Variants in PACS2 observed in about 807,000 individuals in gnomAD.
PACS2 encodes phosphofurin acidic cluster sorting protein 2, also known as PACS1-like protein.
PACS2 carries 36 observed loss-of-function variants against 113.0 expected under a neutral mutation model. That is an observed-to-expected ratio of 0.32 (90% CI 0.24 to 0.42). The LOEUF is 0.42. Ranked by LOEUF, PACS2 falls within the 10% of genes least tolerant of loss-of-function variation. PACS2 has a pLI of 1.00. For synonymous variants in PACS2, 589 were observed against 536.1 expected (o/e 1.10, Z -1.36); for missense variants, 1,015 against 1,239.5 (o/e 0.82, Z 2.72).
intron 1 of PACS2, among the ~76,000 whole-genome samples, chr14:105,342,045 C>T (rs148237184): frequency 9.1e-4 from 139 of 152,322 alleles, no homozygotes; most frequent in Admixed American, 2.8e-3. Context: ...ATGTAAGGAA[C>T]GTGAGCTTCT....
At chr14:105,311,407 C>T (rs1223109337), upstream of PACS2, among the ~76,000 whole-genome samples, 1 of 152,102 alleles carries the variant, frequency 6.6e-6, no homozygotes, top group African/African-American at 2.4e-5. Context: ...ATGCGCACCA[C>T]CATGCCCAGG....
At chr14:105,322,079 A>G (rs967765477) in intron 1 of PACS2, among the ~76,000 whole-genome samples, 1 of 151,602 alleles carries the variant, frequency 6.6e-6, no homozygotes, top group Non-Finnish European at 1.5e-5. Flanking sequence ...CTGGGACTAC[A>G]GGCGCCTGCC....
intron 8 of PACS2, 24 bp downstream of exon 8, chr14:105,369,924 C>G: frequency 6.3e-7 from 1 of 1,588,216 alleles, no homozygotes; most frequent in Non-Finnish European, 8.5e-7. Flanking sequence ...GCCTTCTGCT[C>G]GCGGCCCCCA....
At position 105,355,504 on chromosome 14, in the gene PACS2, G is replaced by A. The variant is rs587691746; in HGVS notation, c.423+327G>A. Among the ~76,000 whole-genome samples the A allele has an allele frequency of 1.4e-4, 22 of 152,328 alleles. 1 individual carries two copies. Among genetic ancestry groups the A allele is most frequent in the Admixed American group, 6.5e-4 (10 of 15,302 alleles). On this transcript the variant is annotated intron_variant, in intron 4 of 24. Coordinates refer to ENST00000447393, the MANE Select transcript of PACS2 (RefSeq NM_001100913.3). This position sits in a 1 kb window ranked among gnomAD's most constrained non-coding sequence, Gnocchi z 4.1. Reference sequence around the variant, plus strand: ...CTGGAGTCCTTCCCATGGAGGAATCGCTGCTGTCCCCACACCACGGGTGCG... The same window carrying A: ...CTGGAGTCCTTCCCATGGAGGAATCACTGCTGTCCCCACACCACGGGTGCG...
chr14:105,342,112 A>T (rs2059749244), intron 1 of PACS2, among the ~76,000 whole-genome samples: 1 of 151,956 alleles, frequency 6.6e-6, no homozygotes, highest in African/African-American at 2.4e-5. Flanking sequence ...GTACCTGCAC[A>T]CTCCCCAAAT....
At chr14:105,386,487 A>C (rs757507505) in intron 19 of PACS2, among the ~76,000 whole-genome samples, 1 of 152,084 alleles carries the variant, frequency 6.6e-6, no homozygotes, top group African/African-American at 2.4e-5. Flanking sequence ...TTTCATGTTC[A>C]GAGCCAAGTC....
rs587688204 is a variant in PACS2 at position 105,354,983 on chromosome 14, C to T, written c.298-69C>T. On this transcript the variant is annotated intron_variant, in intron 3 of 24. Coordinates refer to ENST00000447393, the MANE Select transcript of PACS2 (RefSeq NM_001100913.3). The surrounding 1 kb of genome is among the most constrained non-coding windows in gnomAD (Gnocchi z 4.2). ...GTCGCAGGCTGCAGGGTGGCTGGGC[C>T]GTCAGAGGCCGTGATGCTGCCTGGG... 12 of 1,540,510 alleles carry T rather than the reference C, an allele frequency of 7.8e-6. No individual in the cohort carries two copies. The African/African-American group carries it at 8.2e-5, about 10-fold the overall frequency.
chr14:105,356,393 A>G lies in PACS2; in HGVS notation c.423+1216A>G, dbSNP rs920292025. 6.6e-6 allele frequency among the ~76,000 whole-genome samples: 1 copy of G among 152,186 alleles called. No individual in the cohort carries two copies. Among genetic ancestry groups the G allele is most frequent in the African/African-American group, 2.4e-5 (1 of 41,450 alleles). On this transcript the variant is annotated intron_variant, in intron 4 of 24. Coordinates refer to ENST00000447393, the MANE Select transcript of PACS2 (RefSeq NM_001100913.3). The surrounding 1 kb of genome is among the most constrained non-coding windows in gnomAD (Gnocchi z 4.0). ...CCGCAGGGCCTCAGACAAGCTTTGC[A>G]GTCTTCCCGATTCCTTCGGCAAACC...
intron 2 of PACS2, among the ~76,000 whole-genome samples, chr14:105,349,214 C>T (rs946429628): frequency 1.1e-4 from 16 of 152,236 alleles, no homozygotes; most frequent in Non-Finnish European, 2.1e-4. Flanking sequence ...CTGTCAGGGC[C>T]ACCCCTGCCC....
chr14:105,392,259 T>TA (rs2081384884), intron 22 of PACS2: 1 of 377,646 alleles, frequency 2.6e-6, no homozygotes, highest in Admixed American at 4.4e-5. Flanking sequence ...CACCAGCAGA[T>TA]ACCCCCCCGA....
At chr14:105,303,678 G>A (rs1414942255) in intron 1 of PACS2, among the ~76,000 whole-genome samples, 1 of 152,122 alleles carries the variant, frequency 6.6e-6, no homozygotes, top group Non-Finnish European at 1.5e-5. Context: ...AATGTGCTGT[G>A]TTTTCATTTT....
At position 105,340,061 on chromosome 14, in the gene PACS2, G is replaced by A. The variant is rs368622106; in HGVS notation, c.120-8432G>A. ...CCCAAAGGGCTGCGATTCCAAGTGT[G>A]AGCCACCGCGTCTGGCTAAGGAGTA... On this transcript the variant is annotated intron_variant, in intron 1 of 24. Transcript: ENST00000447393. This position sits in a 1 kb window ranked among gnomAD's most constrained non-coding sequence, Gnocchi z 4.2. 3.5e-4 allele frequency among the ~76,000 whole-genome samples: 54 copies of A among 152,334 alleles called. No individual in the cohort carries two copies. Among genetic ancestry groups the A allele is most frequent in the African/African-American group, 1.2e-3 (51 of 41,582 alleles).
intron 19 of PACS2, among the ~76,000 whole-genome samples, chr14:105,388,111 TCTC>T (rs2081240193): frequency 6.6e-6 from 1 of 152,170 alleles, no homozygotes; most frequent in African/African-American, 2.4e-5. Context: ...TTTCAACTCT[TCTC>T]CTTAGAAATG....
In PACS2 at chr14:105,383,484, G is replaced by T; in HGVS notation, c.1751G>T (p.Gly584Val). The change falls in exon 16 of 25, where the codon GGC becomes GTC. Residue 584 changes from glycine to valine, a missense_variant. Gly to Val is a moderately radical substitution (Grantham distance 109, BLOSUM62 -3). Coordinates refer to ENST00000447393, the MANE Select transcript of PACS2 (RefSeq NM_001100913.3). ...QLSHKTPDWL[G>V]YMRFLVIPLG... ...TCCCACAAGACACCCGACTGGCTCG[G>T]CTACATGCGCTTCCTGGTCATCCCA... 1 of 1,602,610 alleles carries T rather than the reference G, an allele frequency of 6.2e-7. No homozygotes were observed.
intron 4 of PACS2, among the ~76,000 whole-genome samples, chr14:105,362,284 G>A (rs1212447956): frequency 7.3e-5 from 11 of 151,542 alleles, no homozygotes; most frequent in South Asian, 2.1e-4. Context: ...TGGGCGTGGT[G>A]GCGGGCGCCT....
At position 105,357,388 on chromosome 14, in the gene PACS2, GC is replaced by G. The variant is rs1403697613; in HGVS notation, c.423+2216del. Among the ~76,000 whole-genome samples the G allele has an allele frequency of 2.0e-5, 3 of 151,948 alleles. No homozygotes were observed. The highest frequency in any genetic ancestry group is 2.9e-5 in the Non-Finnish European group (2 of 67,998). On this transcript the variant is annotated intron_variant, in intron 4 of 24. Coordinates refer to ENST00000447393, the MANE Select transcript of PACS2 (RefSeq NM_001100913.3). The surrounding 1 kb of genome is among the most constrained non-coding windows in gnomAD (Gnocchi z 5.1). ...CCAGTGCCCTGCCCCTGAGCCTGTG[GC>G]CCCCACCCCAAGGCTCCCTCGCCCT... is the stretch of plus-strand genomic sequence containing the variant.
intron 1 of PACS2, among the ~76,000 whole-genome samples, chr14:105,333,183 C>T (rs1267945159): frequency 2.0e-5 from 3 of 152,202 alleles, no homozygotes; most frequent in South Asian, 2.1e-4. Flanking sequence ...TGGCCCTGTT[C>T]CCTACCAGTC....
intron 23 of PACS2, 87 bp from the exon 24 acceptor site, chr14:105,393,135 C>T: frequency 3.0e-6 from 3 of 1,004,030 alleles, no homozygotes; most frequent in Non-Finnish European, 4.7e-6. Flanking sequence ...GCTGAGCCCC[C>T]AGTGCCTCCC....
At chr14:105,379,620 C>T (rs1555411382) in intron 9 of PACS2, 119 bp from the exon 10 acceptor site, 1 of 794,826 alleles carries the variant, frequency 1.3e-6, no homozygotes, top group East Asian at 2.5e-5. Flanking sequence ...CTGGACCCAG[C>T]TCTGCTCTGC....
Sources: gnomAD v4.1 joint callset for allele counts (sites outside exome capture counted in the v4.1 genomes callset) on GRCh38, gnomAD v4.1.1 for gene constraint, Gnocchi (gnomAD v3.1) non-coding constraint, MANE v1.5 for transcripts, NCBI Gene and HGNC (gene_info 2026-07-23, HGNC 2026-07-21) for gene names.